Variants in SPECC1 observed in about 807,000 individuals in gnomAD.
SPECC1 encodes sperm antigen with calponin homology and coiled-coil domains 1.
Under a neutral mutation model 104.1 loss-of-function variants are expected in SPECC1, and 62 were observed. The observed-to-expected ratio is 0.60, with a 90% CI of 0.49 to 0.74. SPECC1 has a LOEUF of 0.74. Among genes scored for constraint, SPECC1 ranks in the 30% least tolerant of loss-of-function variants. The pLI is 0.00. For synonymous variants in SPECC1, 513 were observed against 501.6 expected (o/e 1.02, Z -0.30); for missense variants, 1,306 against 1,310.5 (o/e 1.00, Z 0.05).
intron 14 of SPECC1, among the ~76,000 whole-genome samples, chr17:20,312,451 G>A (rs1485667752): frequency 2.0e-5 from 3 of 152,170 alleles, no homozygotes; most frequent in East Asian, 3.8e-4. Context: ...TTGGACTTCG[G>A]AGTCCTCTCT....
At chr17:20,025,915 G>T (rs902464842) in intron 1 of SPECC1, among the ~76,000 whole-genome samples, 8 of 152,110 alleles carry the variant, frequency 5.3e-5, no homozygotes, top group African/African-American at 1.7e-4. Context: ...ATATGAAGTG[G>T]TGTCTACATT....
Position 20,205,392 on chromosome 17 carries a change from A to G in SPECC1, c.1343A>G (p.Gln448Arg), listed in dbSNP as rs755774124. The G allele has an allele frequency of 3.5e-5, 56 of 1,613,724 alleles. 3 individuals are homozygous for G. The South Asian group carries it at 5.9e-4, about 17-fold the overall frequency. Reference protein sequence around the residue: ...QENEKLMNLLQERVKNEEPTT... With the variant: ...QENEKLMNLLRERVKNEEPTT... ...AATGAGAAGCTGATGAATCTTTTACAAGAGCGAGTAAAGAATGAAGAGCCC... is the reference window on the plus strand; with the variant it reads ...AATGAGAAGCTGATGAATCTTTTACGAGAGCGAGTAAAGAATGAAGAGCCC... The change falls in exon 4 of 15, where the codon CAA (glutamine) becomes CGA (arginine). Residue 448 changes from glutamine (Q) to arginine (R), a missense_variant. Physicochemically the swap from Gln to Arg is conservative, Grantham distance 43. Coordinates refer to ENST00000395527, the MANE Select transcript of SPECC1 (RefSeq NM_001243439.2).
intron 3 of SPECC1, among the ~76,000 whole-genome samples, chr17:20,131,134 A>AT (rs1196654943): frequency 6.6e-6 from 1 of 152,134 alleles, no homozygotes; most frequent in Non-Finnish European, 1.5e-5. Context: ...TTTGTTTTAG[A>AT]TTCCTTGGGA....
At chr17:20,209,106 C>G (rs1392512434) in intron 4 of SPECC1, among the ~76,000 whole-genome samples, 4 of 152,160 alleles carry the variant, frequency 2.6e-5, no homozygotes, top group African/African-American at 9.7e-5. Context: ...CTAAGGTGCT[C>G]TAGTGTAAAA....
chr17:20,243,557 CAGAG>C (rs1348841518), intron 7 of SPECC1, among the ~76,000 whole-genome samples: 1 of 152,160 alleles, frequency 6.6e-6, no homozygotes, highest in African/African-American at 2.4e-5. Context: ...CTCACATACA[CAGAG>C]AGACACACAG....
At position 20,250,133 on chromosome 17, in the gene SPECC1, C is replaced by T. The variant is rs192252686; in HGVS notation, c.2598+2814C>T. 3.3e-5 allele frequency among the ~76,000 whole-genome samples: 5 copies of T among 152,318 alleles called. No individual in the cohort carries two copies. In the East Asian group the frequency reaches 7.7e-4, roughly 23 times the overall value. ...AGAAGAATGATGGAAGCCCTGAAGA[C>T]AATGCAGTGGCATCTGCAAAATGCT... is the stretch of plus-strand genomic sequence containing the variant. On this transcript the variant is annotated intron_variant, in intron 9 of 14. Coordinates refer to ENST00000395527, the MANE Select transcript of SPECC1 (RefSeq NM_001243439.2).
At chr17:20,177,819 T>G (rs1469736918) in intron 3 of SPECC1, among the ~76,000 whole-genome samples, 1 of 151,562 alleles carries the variant, frequency 6.6e-6, no homozygotes, top group Non-Finnish European at 1.5e-5. Flanking sequence ...AAGCAATTCT[T>G]CTGCCTCAGC....
intron 3 of SPECC1, among the ~76,000 whole-genome samples, chr17:20,188,772 A>G (rs1284468265): frequency 6.6e-6 from 1 of 152,226 alleles, no homozygotes; most frequent in Non-Finnish European, 1.5e-5. Context: ...CTTCCTACAT[A>G]GTAAACTCCG....
At chr17:20,291,440 T>C (rs1254913133) in intron 12 of SPECC1, among the ~76,000 whole-genome samples, 1 of 152,210 alleles carries the variant, frequency 6.6e-6, no homozygotes, top group Non-Finnish European at 1.5e-5. Flanking sequence ...GGCTTTCTTA[T>C]CTGTAAAATG....
intron 3 of SPECC1, among the ~76,000 whole-genome samples, chr17:20,163,670 C>G (rs2033379513): frequency 6.6e-6 from 1 of 151,756 alleles, no homozygotes; most frequent in Non-Finnish European, 1.5e-5. Flanking sequence ...AGGCGGTCCT[C>G]TCACTGCAGC....
intron 10 of SPECC1, among the ~76,000 whole-genome samples, chr17:20,254,105 T>C (rs1383687906): frequency 6.6e-6 from 1 of 151,906 alleles, no homozygotes; most frequent in Admixed American, 6.6e-5. Flanking sequence ...TATTTGTCTT[T>C]TGGTGCAGTC....
intron 3 of SPECC1, among the ~76,000 whole-genome samples, chr17:20,143,175 GAAA>G (rs35425849): frequency 7.1e-6 from 1 of 140,114 alleles, no homozygotes. Context: ...TTCTTTATAG[GAAA>G]AAAAAAAAAA....
At chr17:20,274,931 A>T (rs1261487203) in intron 12 of SPECC1, among the ~76,000 whole-genome samples, 1 of 151,500 alleles carries the variant, frequency 6.6e-6, no homozygotes, top group African/African-American at 2.4e-5. Flanking sequence ...TAATATTATT[A>T]AATAATTTAA....
At chr17:20,055,193 C>T (rs1286299148) in intron 1 of SPECC1, among the ~76,000 whole-genome samples, 2 of 151,800 alleles carry the variant, frequency 1.3e-5, no homozygotes, top group African/African-American at 2.4e-5. Flanking sequence ...ATTTGTCTTT[C>T]TATGACTGCC....
intron 4 of SPECC1, among the ~76,000 whole-genome samples, chr17:20,225,171 C>CA (rs1298516332): frequency 6.6e-6 from 1 of 152,272 alleles, no homozygotes; most frequent in South Asian, 2.1e-4. Flanking sequence ...AGTTGCAAGA[C>CA]AAAGTCCTCT....
intron 1 of SPECC1, among the ~76,000 whole-genome samples, chr17:20,083,100 A>G (rs2047047776): frequency 6.6e-6 from 1 of 152,196 alleles, no homozygotes; most frequent in Non-Finnish European, 1.5e-5. Flanking sequence ...TATATCTGAC[A>G]CAGGTCACCT....
chr17:20,150,956 T>A (rs1174954359), intron 3 of SPECC1, among the ~76,000 whole-genome samples: 1 of 152,192 alleles, frequency 6.6e-6, no homozygotes, highest in Non-Finnish European at 1.5e-5. Flanking sequence ...ACATATATAT[T>A]ATTTTATTGT....
intron 3 of SPECC1, among the ~76,000 whole-genome samples, chr17:20,128,392 G>A (rs1262834897): frequency 6.6e-6 from 1 of 152,208 alleles, no homozygotes; most frequent in Admixed American, 6.5e-5. Flanking sequence ...GTAAAACAGA[G>A]TTAGATTCTG....
intron 12 of SPECC1, among the ~76,000 whole-genome samples, chr17:20,287,360 TG>T (rs1465083561): frequency 2.9e-5 from 4 of 135,626 alleles, no homozygotes; most frequent in Non-Finnish European, 4.5e-5. Flanking sequence ...GAGCTTGCAG[TG>T]AGCCGAGATT....
Sources: gnomAD v4.1 joint callset for allele counts (sites outside exome capture counted in the v4.1 genomes callset) on GRCh38, gnomAD v4.1.1 for gene constraint, MANE v1.5 for transcripts, NCBI Gene and HGNC (gene_info 2026-07-23, HGNC 2026-07-21) for gene names.